Variants in ROBO1 observed in about 807,000 individuals in gnomAD.
ROBO1 encodes roundabout homolog 1.
In ROBO1, 149 loss-of-function variants were observed where a neutral mutation model predicts 195.9. The ratio of observed to expected loss-of-function variants is 0.76; its 90% CI spans 0.67 to 0.87. The LOEUF (loss-of-function observed/expected upper bound fraction) is 0.87. Ranked by LOEUF, ROBO1 falls within the 40% of genes least tolerant of loss-of-function variation. The pLI is 0.00. For synonymous variants in ROBO1, 816 were observed against 733.2 expected, an observed-to-expected ratio of 1.11 and a Z score of -1.82; for missense variants, 1,933 against 2,068.3, an observed-to-expected ratio of 0.93 and a Z score of 1.27.
intron 2 of ROBO1, among the ~76,000 whole-genome samples, chr3:79,266,714 A>T (rs983000954): frequency 1.3e-5 from 2 of 151,584 alleles, no homozygotes; most frequent in African/African-American, 4.8e-5. Context: ...ATGACAAAGG[A>T]TGGTTACAGC....
chr3:79,678,723 A>T (rs964718896), intron 1 of ROBO1, among the ~76,000 whole-genome samples: 1 of 152,090 alleles, frequency 6.6e-6, no homozygotes, highest in Non-Finnish European at 1.5e-5. Context: ...TTTCCAGTAC[A>T]TGGAAGAAAT....
chr3:79,600,537 G>A (rs994653706), intron 1 of ROBO1, among the ~76,000 whole-genome samples: 3 of 151,898 alleles, frequency 2.0e-5, no homozygotes, highest in Non-Finnish European at 2.9e-5. Flanking sequence ...AACAACAAAC[G>A]AAGTATACAG....
chr3:79,752,991 T>C (rs1459672099), intron 1 of ROBO1, among the ~76,000 whole-genome samples: 7 of 152,056 alleles, frequency 4.6e-5, no homozygotes, highest in African/African-American at 1.7e-4. Flanking sequence ...TATTAATCTT[T>C]AGGTAGAGAG....
At chr3:78,821,890 A>G (rs1311588807) in intron 4 of ROBO1, among the ~76,000 whole-genome samples, 1 of 152,106 alleles carries the variant, frequency 6.6e-6, no homozygotes, top group African/African-American at 2.4e-5. Context: ...CATCACCTGT[A>G]GAGAAGTGGA....
chr3:79,559,233 C>T (rs1268359819), intron 2 of ROBO1, among the ~76,000 whole-genome samples: 1 of 152,198 alleles, frequency 6.6e-6, no homozygotes, highest in Non-Finnish European at 1.5e-5. Context: ...CTATGCTGCA[C>T]AGTAGAGCTC....
At chr3:79,144,501 TC>T (rs2080603341) in intron 2 of ROBO1, among the ~76,000 whole-genome samples, 1 of 151,982 alleles carries the variant, frequency 6.6e-6, no homozygotes, top group Non-Finnish European at 1.5e-5. Context: ...TTTTCTTCCT[TC>T]CTTTTTTTAA....
intron 2 of ROBO1, among the ~76,000 whole-genome samples, chr3:79,582,514 G>A (rs749520797): frequency 1.1e-4 from 17 of 151,726 alleles, no homozygotes; most frequent in African/African-American, 3.1e-4. Context: ...TCATTGACAC[G>A]GTCTCCTCCA....
At chr3:78,628,329 T>C (rs1441601801) in intron 25 of ROBO1, among the ~76,000 whole-genome samples, 2 of 151,484 alleles carry the variant, frequency 1.3e-5, no homozygotes, top group African/African-American at 4.8e-5. Flanking sequence ...ATACAACCCA[T>C]TTTTTTTTCT....
chr3:78,664,825 C>T (rs1707639022), intron 14 of ROBO1, among the ~76,000 whole-genome samples: 1 of 152,156 alleles, frequency 6.6e-6, no homozygotes, highest in African/African-American at 2.4e-5. Flanking sequence ...CTTCTGGTCC[C>T]TCCAGTGAAA....
chr3:78,891,149 G>GT (rs1262052361), intron 4 of ROBO1, among the ~76,000 whole-genome samples: 1 of 152,134 alleles, frequency 6.6e-6, no homozygotes, highest in East Asian at 1.9e-4. Flanking sequence ...TACAGTTTCA[G>GT]TAAGGTCTGA....
At chr3:79,540,664 A>C (rs28464890) in intron 2 of ROBO1, among the ~76,000 whole-genome samples, 86,893 of 151,950 alleles carry the variant, frequency 0.57, 24,982 homozygotes, top group Non-Finnish European at 0.6. Flanking sequence ...CAACAAACTC[A>C]ACTGTCCGAT....
At chr3:79,162,434 T>C (rs2080985804) in intron 2 of ROBO1, among the ~76,000 whole-genome samples, 1 of 152,120 alleles carries the variant, frequency 6.6e-6, no homozygotes, top group Non-Finnish European at 1.5e-5. Context: ...TTTTTGCCTT[T>C]ATCATTATAT....
intron 3 of ROBO1, chr3:79,019,436 C>T: frequency 2.0e-6 from 2 of 986,298 alleles, no homozygotes; most frequent in Non-Finnish European, 2.4e-6. Flanking sequence ...TCTGCTCTCA[C>T]GCTGCCTCCT....
chr3:78,618,614 A>C (rs1704267618), intron 26 of ROBO1, among the ~76,000 whole-genome samples: 1 of 152,248 alleles, frequency 6.6e-6, no homozygotes, highest in Non-Finnish European at 1.5e-5. Context: ...TCTATTAAAA[A>C]AAAGCTATGG....
chr3:78,944,006 T>C (rs1463185780), intron 3 of ROBO1, among the ~76,000 whole-genome samples: 2 of 152,234 alleles, frequency 1.3e-5, no homozygotes, highest in Non-Finnish European at 2.9e-5. Flanking sequence ...TTATTTGTTA[T>C]AAAGTCTAAG....
chr3:78,715,908 T>A (rs534453255), intron 7 of ROBO1, among the ~76,000 whole-genome samples: 3 of 152,288 alleles, frequency 2.0e-5, no homozygotes, highest in South Asian at 2.1e-4. Context: ...GCATATAATA[T>A]TAGGAATTCT....
chr3:78,772,720 C>T (rs1018480828), intron 4 of ROBO1, among the ~76,000 whole-genome samples: 3 of 152,014 alleles, frequency 2.0e-5, no homozygotes, highest in African/African-American at 7.2e-5. Context: ...CTTCTCAGGC[C>T]TCTACTCAGA....
intron 8 of ROBO1, among the ~76,000 whole-genome samples, chr3:78,708,216 C>T (rs181412336): frequency 5.2e-4 from 79 of 152,160 alleles, no homozygotes; most frequent in African/African-American, 1.9e-3. Flanking sequence ...AGGACAAACT[C>T]AGAAACAGGA....
At chr3:78,859,265 T>C (rs531395784) in intron 4 of ROBO1, among the ~76,000 whole-genome samples, 2 of 152,302 alleles carry the variant, frequency 1.3e-5, no homozygotes, top group African/African-American at 2.4e-5. Flanking sequence ...GAAGAAAGTA[T>C]AGTTGTTGGT....
Sources: allele counts gnomAD v4.1 joint callset (sites outside exome capture counted in the v4.1 genomes callset), GRCh38; gene constraint gnomAD v4.1.1; transcripts MANE v1.5; gene names NCBI Gene and HGNC (gene_info 2026-07-23, HGNC 2026-07-21).